Variants in TMOD2 observed in about 807,000 individuals in gnomAD.
TMOD2 encodes the protein tropomodulin-2.
TMOD2 carries 22 observed loss-of-function variants against 39.9 expected under a neutral mutation model. The observed-to-expected ratio is 0.55, with a 90% CI of 0.39 to 0.79. The LOEUF is 0.79. Ranked by LOEUF, TMOD2 falls within the 30% of genes least tolerant of loss-of-function variation. TMOD2 has a pLI of 0.00. For missense variants in TMOD2, 386 were observed against 413.3 expected, an observed-to-expected ratio of 0.93 and a Z score of 0.57; for synonymous variants, 123 against 146.1, an observed-to-expected ratio of 0.84 and a Z score of 1.14.
At chr15:51,770,910 G>A (rs6493519) in intron 3 of TMOD2, among the ~76,000 whole-genome samples, 72,635 of 152,056 alleles carry the variant, frequency 0.48, 17,633 homozygotes, top group Admixed American at 0.54. Context: ...CATAGTTGCT[G>A]TTGGACTAAT....
chr15:51,768,160 C>G, intron 2 of TMOD2, 102 bp from the exon 3 acceptor site: 1 of 1,384,362 alleles, frequency 7.2e-7, no homozygotes, highest in Non-Finnish European at 1.0e-6. Context: ...CGTAGGTATC[C>G]TTCCTGCTTC....
intron 8 of TMOD2, among the ~76,000 whole-genome samples, chr15:51,801,669 GATGCAT>G (rs1300292591): frequency 1.3e-5 from 2 of 152,168 alleles, no homozygotes; most frequent in African/African-American, 4.8e-5. Context: ...AACAATCGGT[GATGCAT>G]ATTAAAGAAA....
chr15:51,804,581 T>G (rs961433463), intron 8 of TMOD2, among the ~76,000 whole-genome samples: 3 of 134,526 alleles, frequency 2.2e-5, no homozygotes, highest in Non-Finnish European at 3.4e-5. Flanking sequence ...TTTTGTTTTG[T>G]TTTTTTTTTT....
chr15:51,763,101 AT>A (rs35778387), intron 1 of TMOD2, among the ~76,000 whole-genome samples: 60,427 of 149,300 alleles, frequency 0.4, 12,125 homozygotes, highest in Admixed American at 0.45. Context: ...TGCCCAGCTA[AT>A]TTTTAAAAAA....
chr15:51,810,776 C>G lies in TMOD2; in HGVS notation c.*2322C>G, dbSNP rs1423753607. ...TTTTTTTTTTTTTTTTTCTTACTCT[C>G]ATTCTTGCCTTGACTCTTAAAATCC... On this transcript the variant is annotated 3_prime_UTR_variant, in exon 10 of 10. Transcript: ENST00000249700. 2.1e-5 allele frequency: 3 copies of G among 141,224 alleles called. No individual in the cohort carries two copies. Among genetic ancestry groups the G allele is most frequent in the Non-Finnish European group, 4.6e-5 (3 of 65,562 alleles). The allele number at this position is 141,224 out of a possible 1,614,324, so 8.7% of individuals were successfully genotyped here. A position where few individuals can be genotyped will look rare whatever the true frequency, so the allele number is the denominator to read the frequency against.
At chr15:51,772,947 T>C (rs1463627073) in intron 3 of TMOD2, among the ~76,000 whole-genome samples, 3 of 152,214 alleles carry the variant, frequency 2.0e-5, no homozygotes, top group Non-Finnish European at 4.4e-5. Context: ...ATTTAAAAGC[T>C]AACAAATCAT....
chr15:51,783,876 G>A (rs937047254), intron 7 of TMOD2: 1 of 152,112 alleles, frequency 6.6e-6, no homozygotes, highest in Non-Finnish European at 1.5e-5. Flanking sequence ...CTTGTCCCAG[G>A]TAAATACTTA....
chr15:51,815,727 AT>A lies in TMOD2; in HGVS notation c.*7277del, dbSNP rs1314410109. The A allele has an allele frequency of 4.6e-5, 7 of 152,308 alleles. No individual in the cohort carries two copies. The highest frequency in any genetic ancestry group is 6.8e-3 in the Middle Eastern group (2 of 294). 9.4% of individuals were successfully genotyped at this position (152,308 alleles called of 1,614,324 possible). On this transcript the variant is annotated 3_prime_UTR_variant, in exon 10 of 10. Transcript: ENST00000249700. Reference sequence around the variant, plus strand: ...ATAGTTATATTTTAATTAAGCATTTATTTTAGTTGTTTTCATCCATTCAAGC... The same window carrying A: ...ATAGTTATATTTTAATTAAGCATTTATTTAGTTGTTTTCATCCATTCAAGC...
At chr15:51,768,527 G>A (rs997020505) in intron 3 of TMOD2, 109 bp downstream of exon 3, 33 of 1,126,092 alleles carry the variant, frequency 2.9e-5, no homozygotes, top group Non-Finnish European at 4.0e-5. Flanking sequence ...TGTCGTGGAG[G>A]ATCAAGCAAG....
chr15:51,801,283 ACC>A (rs1555463074), intron 8 of TMOD2, among the ~76,000 whole-genome samples: 1 of 125,860 alleles, frequency 7.9e-6, no homozygotes, highest in Non-Finnish European at 1.7e-5. Flanking sequence ...ACACACACAC[ACC>A]CTGTCTCTCT....
In TMOD2 at chr15:51,768,453, G is replaced by T. The variant is rs1486006783; in HGVS notation, c.283+35G>T. 4 of 1,537,964 alleles carry T rather than the reference G, an allele frequency of 2.6e-6. No homozygotes were observed. The African/African-American group carries it at 4.6e-5, about 18-fold the overall frequency. The stretch of plus-strand genomic sequence containing the variant: ...ACAGGCAGAGCATCTTGGAACAGAG[G>T]TTCTCTCTTTTTTTTTTTTGGAACG... On this transcript the variant is annotated intron_variant, in intron 3 of 9. Transcript: ENST00000249700.
At chr15:51,774,797 A>G (rs548913471) in intron 4 of TMOD2, among the ~76,000 whole-genome samples, 37 of 152,216 alleles carry the variant, frequency 2.4e-4, no homozygotes, top group African/African-American at 8.9e-4. Flanking sequence ...TGCTCCTCCC[A>G]GGGGTTGCCT....
intron 7 of TMOD2, among the ~76,000 whole-genome samples, chr15:51,797,544 C>G (rs765861611): frequency 8.5e-5 from 13 of 152,116 alleles, no homozygotes; most frequent in Non-Finnish European, 1.9e-4. Context: ...TTTTCTTGCA[C>G]TGTGAGAATT....
intron 8 of TMOD2, among the ~76,000 whole-genome samples, chr15:51,798,848 A>G (rs1302161828): frequency 1.3e-5 from 2 of 152,186 alleles, no homozygotes; most frequent in African/African-American, 4.8e-5. Flanking sequence ...GGCTGCAGAG[A>G]GCCTATTTAA....
At chr15:51,754,480 A>G (rs372924030) in intron 1 of TMOD2, among the ~76,000 whole-genome samples, 43 of 152,372 alleles carry the variant, frequency 2.8e-4, no homozygotes, top group African/African-American at 1.0e-3. Context: ...CCACGAAAAC[A>G]GAATCAACTC....
chr15:51,783,771 A>ATAGG (rs1296167012), intron 7 of TMOD2: 7 of 151,632 alleles, frequency 4.6e-5, no homozygotes, highest in South Asian at 2.1e-4. Flanking sequence ...AGATAGATAG[A>ATAGG]TAGATAGATA....
chr15:51,791,154 A>G (rs1225872001), intron 7 of TMOD2, among the ~76,000 whole-genome samples: 2 of 152,242 alleles, frequency 1.3e-5, no homozygotes, highest in African/African-American at 4.8e-5. Flanking sequence ...AACTTCAGCA[A>G]AGTCTCAGGA....
intron 7 of TMOD2, among the ~76,000 whole-genome samples, chr15:51,789,694 G>C (rs1185325275): frequency 2.0e-5 from 3 of 152,130 alleles, no homozygotes; most frequent in African/African-American, 7.2e-5. Flanking sequence ...TTAGAACTCA[G>C]GATTAAGAAC....
intron 1 of TMOD2, among the ~76,000 whole-genome samples, chr15:51,761,724 TAA>T (rs74717096): frequency 3.6e-5 from 5 of 139,046 alleles, no homozygotes; most frequent in African/African-American, 5.3e-5. Flanking sequence ...ACCCTGTCTT[TAA>T]AAAAAAAAAA....
Sources: allele counts gnomAD v4.1 joint callset (sites outside exome capture counted in the v4.1 genomes callset), GRCh38; gene constraint gnomAD v4.1.1; transcripts MANE v1.5; gene names NCBI Gene and HGNC (gene_info 2026-07-23, HGNC 2026-07-21).